Variants in RBM26 observed in about 807,000 individuals in gnomAD.
The protein encoded by RBM26 is RNA-binding protein 26.
RBM26 carries 30 observed loss-of-function variants against 123.6 expected under a neutral mutation model. The ratio of observed to expected loss-of-function variants is 0.24; its 90% CI spans 0.18 to 0.33. The LOEUF (loss-of-function observed/expected upper bound fraction) is 0.33, where lower values mean the gene tolerates loss of function less well. Among genes scored for constraint, RBM26 ranks in the 10% least tolerant of loss-of-function variants. RBM26 has a pLI of 1.00. For missense variants in RBM26, 947 were observed against 1,203.6 expected (o/e 0.79, Z 3.15); for synonymous variants, 400 against 404.4 (o/e 0.99, Z 0.13).
Position 79,405,745 on chromosome 13 carries a change from G to A in RBM26, c.30C>T (p.Phe10=), listed in dbSNP as rs376932874. The A allele has an allele frequency of 1.3e-6, 2 of 1,599,318 alleles. No individual in the cohort carries two copies. The highest frequency in any genetic ancestry group is 1.4e-5 in the African/African-American group (1 of 73,926). ...TGCTGAGCCAGGACTTGAGTGCCTCGAAGTTTTCAATGATCATTTTAGAAA... is the reference window on the plus strand; with the variant it reads ...TGCTGAGCCAGGACTTGAGTGCCTCAAAGTTTTCAATGATCATTTTAGAAA... MVSKMIIEN[F]EALKSWLSKT... Residue 10 remains phenylalanine (F), a synonymous_variant, in exon 1 of 22, where the codon TTC becomes TTT. Coordinates refer to ENST00000438737, the MANE Select transcript of RBM26 (RefSeq NM_001366735.2).
At chr13:79,383,612 C>A (rs2077241398) in intron 1 of RBM26, among the ~76,000 whole-genome samples, 3 of 151,854 alleles carry the variant, frequency 2.0e-5, no homozygotes, top group Admixed American at 2.0e-4. Context: ...TGTCACTGTT[C>A]TAGATCCTGA....
At position 79,319,390 on chromosome 13, in the gene RBM26, T is replaced by C; in HGVS notation, c.*1231A>G. 1.0e-6 allele frequency: 1 copy of C among 984,618 alleles called. No homozygotes were observed. Among genetic ancestry groups the C allele is most frequent in the Non-Finnish European group, 1.2e-6 (1 of 829,372 alleles). 61.0% of individuals were successfully genotyped at this position (984,618 alleles called of 1,614,324 possible). On this transcript the variant is annotated 3_prime_UTR_variant, in exon 22 of 22. Coordinates refer to ENST00000438737, the MANE Select transcript of RBM26 (RefSeq NM_001366735.2). ...TTCTACAAAGAATGCATTTATTTCC[T>C]GGAAACTGCCATATCAACTTTCAAT... is the stretch of plus-strand genomic sequence containing the variant.
At chr13:79,352,013 G>A (rs2073313148) in intron 14 of RBM26, among the ~76,000 whole-genome samples, 1 of 152,106 alleles carries the variant, frequency 6.6e-6, no homozygotes, top group African/African-American at 2.4e-5. Context: ...ATCACTTTCT[G>A]AGCTAAGGGC....
chr13:79,316,192 G>GGTGTGT (rs3064578), downstream of RBM26, among the ~76,000 whole-genome samples: 13,502 of 141,978 alleles, frequency 0.095, 880 homozygotes, highest in Non-Finnish European at 0.12. Context: ...AAGTGGGGCA[G>GGTGTGT]GTGTGTGTGT....
At chr13:79,352,345 C>T (rs559852157) in intron 14 of RBM26, among the ~76,000 whole-genome samples, 3 of 152,008 alleles carry the variant, frequency 2.0e-5, no homozygotes, top group African/African-American at 7.3e-5. Context: ...AATCATAACA[C>T]TGTTTGGGCC....
At chr13:79,364,648 CTTA>C in intron 9 of RBM26, among the ~76,000 whole-genome samples, 1 of 151,674 alleles carries the variant, frequency 6.6e-6, no homozygotes, top group Non-Finnish European at 1.5e-5. Context: ...CCCTCTGAAT[CTTA>C]TTAGTTTACA....
intron 1 of RBM26, among the ~76,000 whole-genome samples, chr13:79,397,861 AAC>A (rs1296031223): frequency 6.6e-6 from 1 of 152,086 alleles, no homozygotes; most frequent in Non-Finnish European, 1.5e-5. Context: ...TCTATATACT[AAC>A]AATAAAAATC....
At chr13:79,317,420 T>C (rs1371376753), downstream of RBM26, among the ~76,000 whole-genome samples, 1 of 151,668 alleles carries the variant, frequency 6.6e-6, no homozygotes, top group Non-Finnish European at 1.5e-5. Context: ...TCCAACTCTT[T>C]ATTTTACAGA....
intron 1 of RBM26, among the ~76,000 whole-genome samples, chr13:79,392,532 ATAT>A (rs1295755580): frequency 6.8e-6 from 1 of 146,734 alleles, no homozygotes; most frequent in Non-Finnish European, 1.5e-5. Flanking sequence ...TATATGTTAT[ATAT>A]TATATATAAA....
intron 14 of RBM26, among the ~76,000 whole-genome samples, chr13:79,352,787 AAGTGAAG>A (rs1301222883): frequency 1.3e-5 from 2 of 152,200 alleles, no homozygotes; most frequent in African/African-American, 2.4e-5. Context: ...TGCAGTTAGT[AAGTGAAG>A]AGCCAGGGCT....
In RBM26 at chr13:79,392,997, G is replaced by C. The variant is rs114786860; in HGVS notation, c.71+12707C>G. Among the ~76,000 whole-genome samples, 914 of 152,234 alleles carry C rather than the reference G, an allele frequency of 6.0e-3. 15 individuals carry two copies. The highest frequency in any genetic ancestry group is 0.02 in the African/African-American group (838 of 41,530). ...ATATACACATGCTGTCGAGAGATTA[G>C]AATCAGAAGTACCACAAGCCACAAA... On this transcript the variant is annotated intron_variant, in intron 1 of 21. Transcript: ENST00000438737.
chr13:79,325,362 C>G lies in RBM26; in HGVS notation c.2821-2900G>C, dbSNP rs563398250. Among the ~76,000 whole-genome samples, 4 of 152,042 alleles carry G rather than the reference C, an allele frequency of 2.6e-5. No homozygotes were observed. The South Asian group carries it at 8.3e-4, about 31-fold the overall frequency. On this transcript the variant is annotated intron_variant, in intron 20 of 21. Coordinates refer to ENST00000438737, the MANE Select transcript of RBM26 (RefSeq NM_001366735.2). The stretch of plus-strand genomic sequence containing the variant: ...ATAATACACACATTGCCTATGACAG[C>G]TGTGTGTGTGTTACTGCCCCTCAAG...
intron 20 of RBM26, among the ~76,000 whole-genome samples, chr13:79,326,086 ACT>A (rs1203383337): frequency 1.3e-5 from 2 of 152,076 alleles, no homozygotes; most frequent in Non-Finnish European, 2.9e-5. Context: ...GTGTAAATAC[ACT>A]CTGTGATGTG....
intron 20 of RBM26, among the ~76,000 whole-genome samples, chr13:79,322,936 C>A (rs1243643718): frequency 6.6e-6 from 1 of 151,154 alleles, no homozygotes; most frequent in Non-Finnish European, 1.5e-5. Flanking sequence ...AATTATTAAT[C>A]TTTAATAATA....
intron 20 of RBM26, among the ~76,000 whole-genome samples, chr13:79,332,996 T>C (rs2069683672): frequency 6.6e-6 from 1 of 152,146 alleles, no homozygotes; most frequent in African/African-American, 2.4e-5. Flanking sequence ...CATTATTTTA[T>C]AATACCACTA....
chr13:79,384,745 T>C (rs963637799), intron 1 of RBM26, among the ~76,000 whole-genome samples: 1 of 152,168 alleles, frequency 6.6e-6, no homozygotes, highest in South Asian at 2.1e-4. Context: ...TAATAAAATA[T>C]CTTTAAAAAC....
At chr13:79,367,057 A>T (rs939643067) in intron 6 of RBM26, among the ~76,000 whole-genome samples, 185 bp from the exon 7 acceptor site, 12 of 152,170 alleles carry the variant, frequency 7.9e-5, no homozygotes, top group Non-Finnish European at 1.6e-4. Context: ...AAGTGATAGT[A>T]TATTTAACAT....
At chr13:79,348,464 G>A (rs1217281701) in intron 14 of RBM26, among the ~76,000 whole-genome samples, 2 of 151,980 alleles carry the variant, frequency 1.3e-5, no homozygotes, top group Non-Finnish European at 2.9e-5. Flanking sequence ...GAATGGAAGG[G>A]AAAAAGTATT....
intron 1 of RBM26, among the ~76,000 whole-genome samples, chr13:79,381,971 A>G (rs2077102736): frequency 6.6e-6 from 1 of 152,110 alleles, no homozygotes; most frequent in African/African-American, 2.4e-5. Context: ...TGCATTTGGG[A>G]AACAATTTTT....
Sources: gnomAD v4.1 joint callset for allele counts (sites outside exome capture counted in the v4.1 genomes callset) on GRCh38, gnomAD v4.1.1 for gene constraint, MANE v1.5 for transcripts, NCBI Gene and HGNC (gene_info 2026-07-23, HGNC 2026-07-21) for gene names.